PAX5: variants seen among roughly 807,000 people sequenced by gnomAD.
The protein encoded by PAX5 is paired box protein Pax-5.
Under a neutral mutation model 43.7 loss-of-function variants are expected in PAX5, and 9 were observed. That is an observed-to-expected ratio of 0.21 (90% CI 0.12 to 0.36). The LOEUF is 0.36. PAX5 is among the 10% of genes least tolerant of loss of function. The pLI is 1.00. For missense variants in PAX5, 383 were observed against 532.7 expected (o/e 0.72, Z 2.77); for synonymous variants, 228 against 214.3 (o/e 1.06, Z -0.56).
rs1031856712 is a variant in PAX5 at position 36,835,585 on chromosome 9, T to C, written c.*4975A>G. ...AGGGGCTGAAGGGGCTGCTGGGAGGTGGGGCACGCCGTGGGCTAGGAGTCG... is the reference window on the plus strand; with the variant it reads ...AGGGGCTGAAGGGGCTGCTGGGAGGCGGGGCACGCCGTGGGCTAGGAGTCG... On this transcript the variant is annotated 3_prime_UTR_variant, in exon 10 of 10. Transcript: ENST00000358127. 1 of 233,102 alleles carries C rather than the reference T, an allele frequency of 4.3e-6. No homozygotes were observed. The highest frequency in any genetic ancestry group is 2.2e-5 in the African/African-American group (1 of 45,302). 14.4% of individuals were successfully genotyped at this position (233,102 alleles called of 1,614,324 possible).
At chr9:36,963,286 T>C (rs1834127512) in intron 6 of PAX5, among the ~76,000 whole-genome samples, 1 of 152,216 alleles carries the variant, frequency 6.6e-6, no homozygotes, top group Non-Finnish European at 1.5e-5. Flanking sequence ...TGAAGGACAC[T>C]GGAGATGCTG....
intron 9 of PAX5, among the ~76,000 whole-genome samples, chr9:36,841,386 C>A (rs1822035518): frequency 6.6e-6 from 1 of 152,244 alleles, no homozygotes; most frequent in Non-Finnish European, 1.5e-5. Flanking sequence ...CAATGTGCTT[C>A]CTGCCTGGAA....
intron 5 of PAX5, among the ~76,000 whole-genome samples, chr9:36,977,918 G>A (rs1294054333): frequency 6.6e-6 from 1 of 152,224 alleles, no homozygotes; most frequent in Non-Finnish European, 1.5e-5. Context: ...CAGGGGAACG[G>A]CTATAATTCA....
At chr9:36,863,978 A>G (rs566694069) in intron 8 of PAX5, among the ~76,000 whole-genome samples, 29 of 152,170 alleles carry the variant, frequency 1.9e-4, no homozygotes, top group East Asian at 3.9e-4. Flanking sequence ...GCATGGTGGC[A>G]TGTGCCTGTA....
Position 36,923,860 on chromosome 9 carries a change from T to C in PAX5, c.781-376A>G, listed in dbSNP as rs576957983. 1.1e-3 allele frequency among the ~76,000 whole-genome samples: 164 copies of C among 152,316 alleles called. 1 individual carries two copies. Among genetic ancestry groups the C allele is most frequent in the African/African-American group, 3.8e-3 (159 of 41,562 alleles). ...AGCAAGGCAGAAATAAGTGTCTTCT[T>C]GCCAAGAGAATGGAAAGAACGGTTT... On this transcript the variant is annotated intron_variant, in intron 6 of 9. Coordinates refer to ENST00000358127, the MANE Select transcript of PAX5 (RefSeq NM_016734.3).
chr9:37,006,349 G>A (rs1190805381), intron 4 of PAX5, 124 bp downstream of exon 4: 1 of 613,612 alleles, frequency 1.6e-6, no homozygotes, highest in Non-Finnish European at 2.9e-6. Context: ...TGACAAAGAA[G>A]GCGCATTAGT....
At chr9:36,891,923 A>G (rs1275980480) in intron 7 of PAX5, among the ~76,000 whole-genome samples, 1 of 152,128 alleles carries the variant, frequency 6.6e-6, no homozygotes. Context: ...CTCTGAATTG[A>G]CCGCACCCAC....
At chr9:36,841,065 T>C (rs1822007627) in intron 9 of PAX5, among the ~76,000 whole-genome samples, 1 of 152,238 alleles carries the variant, frequency 6.6e-6, no homozygotes, top group African/African-American at 2.4e-5. Context: ...TGCCAACCCC[T>C]GACCTAGAAG....
chr9:37,009,506 T>A (rs374445694), intron 3 of PAX5, among the ~76,000 whole-genome samples: 1 of 152,222 alleles, frequency 6.6e-6, no homozygotes, highest in Non-Finnish European at 1.5e-5. Flanking sequence ...TCTTAAAATA[T>A]TCATATTTTT....
At chr9:36,900,223 C>T (rs1828255621) in intron 7 of PAX5, among the ~76,000 whole-genome samples, 1 of 152,198 alleles carries the variant, frequency 6.6e-6, no homozygotes, top group Non-Finnish European at 1.5e-5. Flanking sequence ...TTGGGTCCCC[C>T]AAGTAGACAC....
chr9:37,024,444 G>C (rs2132522256), intron 1 of PAX5, among the ~76,000 whole-genome samples: 1 of 152,270 alleles, frequency 6.6e-6, no homozygotes, highest in African/African-American at 2.4e-5. Context: ...GTGACGAAGT[G>C]GGACTTGATC....
At chr9:36,897,071 G>A (rs1356311990) in intron 7 of PAX5, among the ~76,000 whole-genome samples, 3 of 152,162 alleles carry the variant, frequency 2.0e-5, no homozygotes, top group African/African-American at 7.2e-5. Context: ...AAGGAGATTC[G>A]GGCTGAGTTG....
intron 7 of PAX5, among the ~76,000 whole-genome samples, chr9:36,913,044 C>A (rs1829433819): frequency 6.6e-6 from 1 of 152,234 alleles, no homozygotes; most frequent in South Asian, 2.1e-4. Flanking sequence ...GGCTGTTGCT[C>A]AGATTAAAAG....
At chr9:36,886,154 G>A (rs544358922) in intron 7 of PAX5, among the ~76,000 whole-genome samples, 2 of 152,174 alleles carry the variant, frequency 1.3e-5, no homozygotes, top group Non-Finnish European at 2.9e-5. Flanking sequence ...GCCCAGCCTG[G>A]TGCAGCCAAT....
At chr9:36,849,882 G>T (rs183715694) in intron 8 of PAX5, among the ~76,000 whole-genome samples, 7 of 152,342 alleles carry the variant, frequency 4.6e-5, no homozygotes, top group Admixed American at 4.6e-4. Context: ...TCAGCCACCT[G>T]CTGGGGACTC....
chr9:36,997,452 C>T (rs572066132), intron 5 of PAX5, among the ~76,000 whole-genome samples: 50 of 152,272 alleles, frequency 3.3e-4, no homozygotes, highest in African/African-American at 1.1e-3. Flanking sequence ...GGGAGAGCGG[C>T]GGAAGGAGGT....
intron 6 of PAX5, among the ~76,000 whole-genome samples, chr9:36,928,183 T>C (rs1416136587): frequency 6.6e-6 from 1 of 152,186 alleles, no homozygotes; most frequent in East Asian, 1.9e-4. Flanking sequence ...CCTTTTGAGG[T>C]GTCCGTGATT....
At chr9:36,964,978 A>C (rs2132183493) in intron 6 of PAX5, among the ~76,000 whole-genome samples, 1 of 152,000 alleles carries the variant, frequency 6.6e-6, no homozygotes, top group East Asian at 1.9e-4. Context: ...GGCTCTCTCC[A>C]TTCCTCGTTC....
intron 8 of PAX5, among the ~76,000 whole-genome samples, chr9:36,874,045 G>A (rs748017119): frequency 5.9e-5 from 9 of 152,186 alleles, no homozygotes; most frequent in Admixed American, 5.9e-4. Flanking sequence ...GAGCAGGCCT[G>A]TAGGGCAGGC....
Sources: allele counts gnomAD v4.1 joint callset (sites outside exome capture counted in the v4.1 genomes callset), GRCh38; gene constraint gnomAD v4.1.1; transcripts MANE v1.5; gene names NCBI Gene and HGNC (gene_info 2026-07-23, HGNC 2026-07-21).